Variants in RAB22A observed in about 807,000 individuals in gnomAD.
The protein encoded by RAB22A is ras-related protein Rab-22A.
Under a neutral mutation model 30.2 loss-of-function variants are expected in RAB22A, and 13 were observed. That is an observed-to-expected ratio of 0.43 (90% CI 0.28 to 0.68). RAB22A has a LOEUF of 0.68. RAB22A is among the 30% of genes least tolerant of loss of function. The pLI, the probability that RAB22A is intolerant of heterozygous loss-of-function variation, is 0.18. For synonymous variants in RAB22A, 89 were observed against 87.2 expected (o/e 1.02, Z -0.11); for missense variants, 177 against 246.8 (o/e 0.72, Z 1.89).
chr20:58,324,274 A>G (rs1383178869), intron 2 of RAB22A, among the ~76,000 whole-genome samples: 2 of 148,540 alleles, frequency 1.3e-5, no homozygotes, highest in Non-Finnish European at 3.0e-5. Context: ...CAGATTTTCT[A>G]TTTCTCTTGT....
intron 3 of RAB22A, among the ~76,000 whole-genome samples, chr20:58,351,745 G>A (rs920905780): frequency 2.0e-5 from 3 of 152,110 alleles, no homozygotes; most frequent in Non-Finnish European, 4.4e-5. Flanking sequence ...CCCGGGAGGC[G>A]GAGGCTGCGG....
intron 2 of RAB22A, among the ~76,000 whole-genome samples, chr20:58,325,919 A>C (rs1047681441): frequency 6.6e-6 from 1 of 152,146 alleles, no homozygotes; most frequent in Non-Finnish European, 1.5e-5. Flanking sequence ...TGCCTTTATA[A>C]GTTACTAAGA....
intron 1 of RAB22A, among the ~76,000 whole-genome samples, chr20:58,310,291 C>T (rs1227860316): frequency 6.6e-6 from 1 of 151,970 alleles, no homozygotes; most frequent in Non-Finnish European, 1.5e-5. Flanking sequence ...CTCTCTATTG[C>T]ATCTGGGTTA....
In RAB22A at chr20:58,363,141, T is replaced by C. The variant is rs1987256347; in HGVS notation, c.*3438T>C. 6.6e-6 allele frequency: 1 copy of C among 152,206 alleles called. No individual in the cohort carries two copies. Among genetic ancestry groups the C allele is most frequent in the Non-Finnish European group, 1.5e-5 (1 of 68,036 alleles). 9.4% of individuals were successfully genotyped at this position (152,206 alleles called of 1,614,324 possible). ...TGTCAGTATTTTTAGGGCATTGTGT[T>C]AAAATAAGCAGTTTAGATTCCGACG... On this transcript the variant is annotated 3_prime_UTR_variant, in exon 7 of 7. Coordinates refer to ENST00000244040, the MANE Select transcript of RAB22A (RefSeq NM_020673.3).
At chr20:58,310,361 A>G (rs573419564) in intron 1 of RAB22A, among the ~76,000 whole-genome samples, 2 of 152,272 alleles carry the variant, frequency 1.3e-5, no homozygotes, top group Admixed American at 1.3e-4. Context: ...GAGTTGGCCA[A>G]GTCTTCCAAA....
chr20:58,310,086 C>T (rs1194895265), intron 1 of RAB22A, 74 bp downstream of exon 1: 1 of 1,217,788 alleles, frequency 8.2e-7, no homozygotes, highest in East Asian at 3.2e-5. Flanking sequence ...CCCCCTGTCC[C>T]CTCATCCCTT....
At chr20:58,336,917 C>T (rs1986765713) in intron 2 of RAB22A, among the ~76,000 whole-genome samples, 1 of 152,084 alleles carries the variant, frequency 6.6e-6, no homozygotes, top group Non-Finnish European at 1.5e-5. Flanking sequence ...TGCAGAGCAG[C>T]CAGGCTGCTG....
chr20:58,343,378 T>A (rs1986890047), intron 2 of RAB22A, among the ~76,000 whole-genome samples: 2 of 152,356 alleles, frequency 1.3e-5, no homozygotes, highest in South Asian at 4.1e-4. Flanking sequence ...CATAGTTTTT[T>A]AGGAATATTT....
At chr20:58,355,822 C>A (rs776216093) in intron 6 of RAB22A, among the ~76,000 whole-genome samples, 1 of 152,050 alleles carries the variant, frequency 6.6e-6, no homozygotes, top group Non-Finnish European at 1.5e-5. Context: ...AAAACCCTGT[C>A]TCTTAAAAAA....
chr20:58,324,741 C>G (rs911562374), intron 2 of RAB22A, among the ~76,000 whole-genome samples: 1 of 151,166 alleles, frequency 6.6e-6, no homozygotes, highest in African/African-American at 2.4e-5. Flanking sequence ...GGGGCACATG[C>G]CTGTAGTCCC....
rs1987247397 is a variant in RAB22A at position 58,362,751 on chromosome 20, T to G, written c.*3048T>G. 1 of 152,252 alleles carries G rather than the reference T, an allele frequency of 6.6e-6. No individual in the cohort carries two copies. Among genetic ancestry groups the G allele is most frequent in the African/African-American group, 2.4e-5 (1 of 41,466 alleles). 9.4% of individuals were successfully genotyped at this position (152,252 alleles called of 1,614,324 possible). On this transcript the variant is annotated 3_prime_UTR_variant, in exon 7 of 7. Coordinates refer to ENST00000244040, the MANE Select transcript of RAB22A (RefSeq NM_020673.3). ...GTTTTACACGAAGCAGGTGAAAGAT[T>G]TAGTTCTTTTCAAAGTAACTTATTT...
intron 2 of RAB22A, among the ~76,000 whole-genome samples, chr20:58,315,187 GC>G (rs1986310961): frequency 6.6e-6 from 1 of 152,120 alleles, no homozygotes; most frequent in Admixed American, 6.5e-5. Flanking sequence ...TCATAACCGT[GC>G]TTTCTCACTG....
At chr20:58,344,334 C>T (rs752175987) in intron 3 of RAB22A, among the ~76,000 whole-genome samples, 7 of 152,156 alleles carry the variant, frequency 4.6e-5, no homozygotes, top group Non-Finnish European at 7.3e-5. Flanking sequence ...GAACCAGAAG[C>T]GGGGCCTGAA....
At position 58,366,434 on chromosome 20, in the gene RAB22A, A is replaced by G. The variant is rs1344350113; in HGVS notation, c.*6731A>G. 6.6e-6 allele frequency: 1 copy of G among 152,236 alleles called. No individual in the cohort carries two copies. The highest frequency in any genetic ancestry group is 1.5e-5 in the Non-Finnish European group (1 of 68,042). 9.4% of individuals were successfully genotyped at this position (152,236 alleles called of 1,614,324 possible). A position where few individuals can be genotyped will look rare whatever the true frequency, so the allele number is the denominator to read the frequency against. Reference sequence around the variant, plus strand: ...TACAGTAGGGAGACTGCATTTAACAATAATTGATTGTATATTTGAAAACAG... The same window carrying G: ...TACAGTAGGGAGACTGCATTTAACAGTAATTGATTGTATATTTGAAAACAG... On this transcript the variant is annotated 3_prime_UTR_variant, in exon 7 of 7. Transcript: ENST00000244040.
Position 58,309,927 on chromosome 20 carries a change from C to G in RAB22A, c.-50C>G, listed in dbSNP as rs781257434. The G allele has an allele frequency of 1.6e-6, 2 of 1,255,366 alleles. No homozygotes were observed. Among genetic ancestry groups the G allele is most frequent in the Non-Finnish European group, 2.0e-6 (2 of 992,316 alleles). The allele number at this position is 1,255,366 out of a possible 1,614,324, so 77.8% of individuals were successfully genotyped here. ...GATGCTCTTGCTGGGCCTGGCCTCT[C>G]CCTTCTCAACTTAGGGCGGCGGCGG... On this transcript the variant is annotated 5_prime_UTR_variant, in exon 1 of 7. Transcript: ENST00000244040.
intron 2 of RAB22A, among the ~76,000 whole-genome samples, chr20:58,336,307 C>T (rs972600060): frequency 6.7e-5 from 10 of 150,012 alleles, no homozygotes; most frequent in African/African-American, 2.4e-4. Context: ...CCACGGCGCC[C>T]GGCCGCTGGT....
rs1345150149 is a variant in RAB22A, at chr20:58,309,870, G to A, written c.-107G>A. The stretch of plus-strand genomic sequence containing the variant: ...CGGCAGCCGCCTCTGCGCGGACCGG[G>A]GCTGGGCCGTGCGGCGGCAGCGGCG... On this transcript the variant is annotated 5_prime_UTR_variant, in exon 1 of 7. Transcript: ENST00000244040. 2 of 1,120,668 alleles carry A rather than the reference G, an allele frequency of 1.8e-6. No individual in the cohort carries two copies. The highest frequency in any genetic ancestry group is 2.3e-6 in the Non-Finnish European group (2 of 875,194). 69.4% of individuals were successfully genotyped at this position (1,120,668 alleles called of 1,614,324 possible).
At chr20:58,331,539 CTTTTACCCCCA>C (rs1986660370) in intron 2 of RAB22A, among the ~76,000 whole-genome samples, 1 of 152,172 alleles carries the variant, frequency 6.6e-6, no homozygotes, top group Admixed American at 6.5e-5. Flanking sequence ...CTCTTATCAG[CTTTTACCCCCA>C]TTATTCCATT....
chr20:58,313,127 G>C (rs1986263980), intron 2 of RAB22A, among the ~76,000 whole-genome samples: 1 of 152,136 alleles, frequency 6.6e-6, no homozygotes, highest in Non-Finnish European at 1.5e-5. Context: ...GAAAAGTGAA[G>C]GGTGTAGCTT....
Sources: gnomAD v4.1 joint callset for allele counts (sites outside exome capture counted in the v4.1 genomes callset) on GRCh38, gnomAD v4.1.1 for gene constraint, MANE v1.5 for transcripts, NCBI Gene and HGNC (gene_info 2026-07-23, HGNC 2026-07-21) for gene names.